Variants in PSG9 observed in about 807,000 individuals in gnomAD.
The protein encoded by PSG9 is pregnancy specific beta-1-glycoprotein 9.
Under a neutral mutation model 41.9 loss-of-function variants are expected in PSG9, and 49 were observed. The observed-to-expected ratio is 1.17, with a 90% CI of 0.93 to 1.48. The LOEUF is 1.48. Ranked by LOEUF, PSG9 falls within the 40% of genes most tolerant of loss-of-function variation. The probability of loss-of-function intolerance (pLI) is 0.00; values close to 1 mark genes in which losing one functional copy is unlikely to be tolerated. For missense variants in PSG9, 641 were observed against 520.3 expected (o/e 1.23, Z -2.26); for synonymous variants, 263 against 196.8 (o/e 1.34, Z -2.82).
intron 2 of PSG9, among the ~76,000 whole-genome samples, chr19:43,267,070 G>C (rs920352692): frequency 4.6e-5 from 7 of 152,098 alleles, no homozygotes; most frequent in Non-Finnish European, 1.0e-4. Flanking sequence ...CTGCTACCAG[G>C]TACATCTTCT....
Position 43,269,520 on chromosome 19 carries a change from C to T in PSG9, c.-89G>A, listed in dbSNP as rs1267494246. 2 of 1,572,004 alleles carry T rather than the reference C, an allele frequency of 1.3e-6. No homozygotes were observed. The highest frequency in any genetic ancestry group is 2.3e-5 in the South Asian group (2 of 88,380). On this transcript the variant is annotated 5_prime_UTR_variant, in exon 1 of 6. Coordinates refer to ENST00000270077, the MANE Select transcript of PSG9 (RefSeq NM_002784.5). ...CACGGCTGTCAGCTGTGCTGTCCTT[C>T]CTCCTTCTGTGCTGAGCCTCTTCCC... is the stretch of plus-strand genomic sequence containing the variant.
At chr19:43,262,358 G>A (rs1049621483) in intron 2 of PSG9, among the ~76,000 whole-genome samples, 5 of 152,116 alleles carry the variant, frequency 3.3e-5, no homozygotes, top group Non-Finnish European at 7.4e-5. Context: ...TTTCTTAAGT[G>A]TGAATTGAGC....
In PSG9 at chr19:43,253,398, C is replaced by T. The variant is rs1283326750; in HGVS notation, c.*211G>A. 2.5e-6 allele frequency: 1 copy of T among 406,934 alleles called. No homozygotes were observed. Among genetic ancestry groups the T allele is most frequent in the African/African-American group, 2.3e-5 (1 of 44,184 alleles). The allele number at this position is 406,934 out of a possible 1,614,324, so 25.2% of individuals were successfully genotyped here. A position where few individuals can be genotyped will look rare whatever the true frequency, so the allele number is the denominator to read the frequency against. On this transcript the variant is annotated 3_prime_UTR_variant, in exon 6 of 6. Transcript: ENST00000270077. Reference sequence around the variant, plus strand: ...AAGCAAATATTTCAATTTTTGTTTACAAAAGTATACTTTACCAATTGCTGA... The same window carrying T: ...AAGCAAATATTTCAATTTTTGTTTATAAAAGTATACTTTACCAATTGCTGA...
At position 43,269,230 on chromosome 19, in the gene PSG9, T is replaced by G. The variant is rs1031262357; in HGVS notation, c.64+138A>C. 2.1e-6 allele frequency: 3 copies of G among 1,439,520 alleles called. No individual in the cohort carries two copies. In the African/African-American group the frequency reaches 4.3e-5, roughly 21 times the overall value. The allele number at this position is 1,439,520 out of a possible 1,614,324, so 89.2% of individuals were successfully genotyped here. ...TGCATTGGCCGGACTGATCTTGAACTCCTGATCTCGTGATCCACCCACCTC... is the reference window on the plus strand; with the variant it reads ...TGCATTGGCCGGACTGATCTTGAACGCCTGATCTCGTGATCCACCCACCTC... On this transcript the variant is annotated intron_variant, in intron 1 of 5. Transcript: ENST00000270077.
intron 3 of PSG9, among the ~76,000 whole-genome samples, chr19:43,261,621 G>C (rs1163790705): frequency 6.6e-6 from 1 of 152,110 alleles, no homozygotes; most frequent in Admixed American, 6.5e-5. Context: ...ACATTCACCT[G>C]TTTCTCCCAT....
chr19:43,261,943 T>C lies in PSG9; in HGVS notation c.626A>G (p.Lys209Arg), dbSNP rs149501197. 2,170 of 1,614,044 alleles carry C rather than the reference T, an allele frequency of 1.3e-3. 15 individuals are homozygous for C. Among genetic ancestry groups the C allele is most frequent in the Non-Finnish European group, 1.7e-3 (2,005 of 1,179,948 alleles). The change falls in exon 3 of 6, where the codon AAG becomes AGG. Residue 209 changes from lysine to arginine, a missense_variant. Transcript: ENST00000270077. ...ACATTCATAGGGTCCTGCAATATAC[T>C]TTGTGACACCAAATAGATAGAGGGT... The part of the protein sequence containing the change: ...NRTLYLFGVT[K>R]YIAGPYECEI...
In PSG9 at chr19:43,257,954, G is replaced by C. The variant is rs774782575; in HGVS notation, c.1243+248C>G. On this transcript the variant is annotated intron_variant, in intron 5 of 5. Transcript: ENST00000270077. ...CTCTGAAGCCTCTTCTACCACATAG[G>C]GCTCAGGGCTGATAAAGCCCCCTCC... is the stretch of plus-strand genomic sequence containing the variant. The C allele has an allele frequency of 1.6e-5, 23 of 1,437,602 alleles. 3 individuals carry two copies. The highest frequency in any genetic ancestry group is 3.0e-5 in the African/African-American group (2 of 65,684). The allele number at this position is 1,437,602 out of a possible 1,614,324, so 89.1% of individuals were successfully genotyped here.
intron 1 of PSG9, 103 bp from the exon 2 acceptor site, chr19:43,268,252 A>G: frequency 7.0e-7 from 1 of 1,420,098 alleles, no homozygotes; most frequent in Non-Finnish European, 9.5e-7. Flanking sequence ...TCAGCCTTGA[A>G]GATACACACA....
chr19:43,255,887 C>A (rs1968428342), intron 5 of PSG9, among the ~76,000 whole-genome samples: 2 of 146,316 alleles, frequency 1.4e-5, no homozygotes, highest in Admixed American at 6.8e-5. Flanking sequence ...ATTTTGTTTT[C>A]ATGAATTGGA....
intron 2 of PSG9, among the ~76,000 whole-genome samples, chr19:43,266,326 G>A (rs766069731): frequency 9.2e-5 from 14 of 151,724 alleles, no homozygotes; most frequent in Non-Finnish European, 2.1e-4. Flanking sequence ...AGGGACAGGT[G>A]TGGCTAGAAC....
intron 5 of PSG9, among the ~76,000 whole-genome samples, chr19:43,256,643 C>G (rs752445484): frequency 6.8e-6 from 1 of 146,520 alleles, no homozygotes; most frequent in Non-Finnish European, 1.5e-5. Context: ...AATGCTACAC[C>G]ACCTCACACA....
chr19:43,263,252 T>G (rs1283613958), intron 2 of PSG9, among the ~76,000 whole-genome samples: 3 of 152,136 alleles, frequency 2.0e-5, no homozygotes, highest in African/African-American at 7.2e-5. Flanking sequence ...GAGGAGGTTC[T>G]AGAGATCTCC....
intron 3 of PSG9, among the ~76,000 whole-genome samples, chr19:43,261,101 GT>G (rs751393341): frequency 2.0e-5 from 3 of 152,058 alleles, no homozygotes; most frequent in African/African-American, 4.8e-5. Context: ...CCTATCCAGG[GT>G]TTTTTATTTT....
intron 2 of PSG9, among the ~76,000 whole-genome samples, chr19:43,265,060 A>T (rs976927373): frequency 3.3e-5 from 5 of 151,836 alleles, no homozygotes; most frequent in Admixed American, 6.6e-5. Context: ...ATCTAGTCTC[A>T]GGCTGGCTGT....
chr19:43,257,237 T>G (rs1396178040), intron 5 of PSG9: 1 of 444,448 alleles, frequency 2.2e-6, no homozygotes, highest in Non-Finnish European at 2.9e-6. Context: ...TACAGAGGTT[T>G]AATATGGTAA....
chr19:43,261,439 A>G (rs527736047), intron 3 of PSG9, among the ~76,000 whole-genome samples: 1 of 152,212 alleles, frequency 6.6e-6, no homozygotes, highest in East Asian at 1.9e-4. Flanking sequence ...TGAGGAAGAA[A>G]TGGTGGGTGC....
At chr19:43,261,123 T>G (rs55999724) in intron 3 of PSG9, among the ~76,000 whole-genome samples, 10,910 of 152,064 alleles carry the variant, frequency 0.072, 895 homozygotes, top group African/African-American at 0.2. Flanking sequence ...CCCTCTCCCT[T>G]TGCAGAGGGC....
intron 3 of PSG9, among the ~76,000 whole-genome samples, chr19:43,261,311 A>G (rs1220560160): frequency 6.6e-6 from 1 of 152,160 alleles, no homozygotes; most frequent in Admixed American, 6.5e-5. Flanking sequence ...TGGGGGATAA[A>G]GAACACTTGT....
chr19:43,253,445 G>A lies in PSG9; in HGVS notation c.*164C>T. The A allele has an allele frequency of 2.3e-6, 1 of 434,288 alleles. No homozygotes were observed. Among genetic ancestry groups the A allele is most frequent in the Non-Finnish European group, 4.1e-6 (1 of 246,838 alleles). The allele number at this position is 434,288 out of a possible 1,614,324, so 26.9% of individuals were successfully genotyped here. A position where few individuals can be genotyped will look rare whatever the true frequency, so the allele number is the denominator to read the frequency against. On this transcript the variant is annotated 3_prime_UTR_variant, in exon 6 of 6. Coordinates refer to ENST00000270077, the MANE Select transcript of PSG9 (RefSeq NM_002784.5). ...CTGAAGAAAAAAAGTTCATAAATCT[G>A]GAGAATAAAACATTCAAAGAATCAG...
Sources: allele counts gnomAD v4.1 joint callset (sites outside exome capture counted in the v4.1 genomes callset), GRCh38; gene constraint gnomAD v4.1.1; transcripts MANE v1.5; gene names NCBI Gene and HGNC (gene_info 2026-07-23, HGNC 2026-07-21).